Variants in SFXN5 observed in about 807,000 individuals in gnomAD.
The protein encoded by SFXN5 is sideroflexin-5.
SFXN5 carries 43 observed loss-of-function variants against 50.2 expected under a neutral mutation model. The observed-to-expected ratio is 0.86, with a 90% CI of 0.67 to 1.11. The LOEUF is 1.11. SFXN5 is among the 50% of genes least tolerant of loss of function. The pLI, the probability that SFXN5 is intolerant of heterozygous loss-of-function variation, is 0.00. For synonymous variants in SFXN5, 203 were observed against 185.8 expected, an observed-to-expected ratio of 1.09 and a Z score of -0.75; for missense variants, 463 against 454.1, an observed-to-expected ratio of 1.02 and a Z score of -0.18.
At chr2:72,978,687 C>T (rs10200714) in intron 10 of SFXN5, among the ~76,000 whole-genome samples, 3,608 of 152,158 alleles carry the variant, frequency 0.024, 152 homozygotes, top group African/African-American at 0.081. Flanking sequence ...CGTATGCCCA[C>T]CTGGCAATAT....
At chr2:73,060,004 G>T in intron 1 of SFXN5, 1 of 432,184 alleles carries the variant, frequency 2.3e-6, no homozygotes, top group Non-Finnish European at 3.1e-6. Context: ...TTTATGACAT[G>T]GAATAATGCT....
At chr2:73,000,316 A>C (rs1344214254) in intron 8 of SFXN5, 115 bp downstream of exon 8, 39 of 955,006 alleles carry the variant, frequency 4.1e-5, no homozygotes, top group Non-Finnish European at 4.6e-5. Context: ...TATCTAGAGG[A>C]GGGCCATGCT....
chr2:72,959,070 G>A (rs776748579), intron 13 of SFXN5, among the ~76,000 whole-genome samples: 5 of 151,988 alleles, frequency 3.3e-5, no homozygotes, highest in East Asian at 1.9e-4. Context: ...TCACTTCCCC[G>A]ACTTGTCTCC....
chr2:73,004,311 GCGCGCACACACACACA>G (rs1198199671), intron 6 of SFXN5, among the ~76,000 whole-genome samples: 1 of 89,622 alleles, frequency 1.1e-5, no homozygotes, highest in Non-Finnish European at 2.2e-5. Flanking sequence ...GAATGAGTGC[GCGCGCACACACACACA>G]CACACACACA....
At chr2:73,016,767 G>A (rs1284238353) in intron 6 of SFXN5, among the ~76,000 whole-genome samples, 3 of 152,158 alleles carry the variant, frequency 2.0e-5, no homozygotes, top group Non-Finnish European at 2.9e-5. Context: ...AAAAAACATT[G>A]TGCAAAAGGG....
At chr2:73,026,511 T>C (rs536887372) in intron 3 of SFXN5, among the ~76,000 whole-genome samples, 10 of 152,182 alleles carry the variant, frequency 6.6e-5, no homozygotes, top group Admixed American at 5.9e-4. Flanking sequence ...TCCATAAGAT[T>C]ACAAGAGAGG....
chr2:73,036,432 C>T (rs1241407403), intron 3 of SFXN5, among the ~76,000 whole-genome samples: 2 of 152,150 alleles, frequency 1.3e-5, no homozygotes, highest in South Asian at 4.1e-4. Context: ...TACCCAGCCA[C>T]CAGATGGACA....
rs79811695 is a variant in SFXN5, at chr2:73,050,704, G to A, written c.171+7824C>T. Among the ~76,000 whole-genome samples, 14 of 152,264 alleles carry A rather than the reference G, an allele frequency of 9.2e-5. No individual in the cohort carries two copies. In the East Asian group the frequency reaches 1.2e-3, roughly 13 times the overall value. ...TGAAATGCCTTCAGGGGTCATTCTC[G>A]CATTGTCTTAATGAATAGCACCTGG... On this transcript the variant is annotated intron_variant, in intron 2 of 13. Transcript: ENST00000272433.
intron 1 of SFXN5, among the ~76,000 whole-genome samples, chr2:73,065,973 A>C (rs1420159770): frequency 6.6e-6 from 1 of 152,236 alleles, no homozygotes; most frequent in Non-Finnish European, 1.5e-5. Flanking sequence ...AAGGAAAAAC[A>C]GTGAGTTCAG....
intron 10 of SFXN5, among the ~76,000 whole-genome samples, chr2:72,972,952 C>T (rs1327592944): frequency 6.6e-6 from 1 of 151,796 alleles, no homozygotes; most frequent in Admixed American, 6.6e-5. Context: ...TGGAGGGTGG[C>T]GGGGCCTAGT....
At chr2:72,995,963 C>T (rs1023236721) in intron 9 of SFXN5, among the ~76,000 whole-genome samples, 2 of 152,200 alleles carry the variant, frequency 1.3e-5, no homozygotes, top group African/African-American at 4.8e-5. Context: ...ACTCGCAGAT[C>T]GGAGGGGCCT....
At chr2:73,012,622 T>C (rs1675650872) in intron 6 of SFXN5, among the ~76,000 whole-genome samples, 1 of 147,806 alleles carries the variant, frequency 6.8e-6, no homozygotes, top group Admixed American at 6.7e-5. Flanking sequence ...ATTCTGAATA[T>C]TGTTCTAAAG....
chr2:73,001,678 T>A, intron 6 of SFXN5, 100 bp from the exon 7 acceptor site: 1 of 1,162,820 alleles, frequency 8.6e-7, no homozygotes, highest in Non-Finnish European at 1.3e-6. Context: ...GCTGGATCTG[T>A]ACAAACTGAT....
chr2:73,023,117 T>C, intron 4 of SFXN5, 71 bp downstream of exon 4: 1 of 1,504,124 alleles, frequency 6.6e-7, no homozygotes, highest in South Asian at 1.2e-5. Context: ...TTCCACTAGA[T>C]CCCTGGGACA....
intron 3 of SFXN5, among the ~76,000 whole-genome samples, chr2:73,024,646 C>T (rs566147414): frequency 5.9e-5 from 9 of 152,122 alleles, no homozygotes; most frequent in Non-Finnish European, 1.0e-4. Context: ...AGCGTGAGAA[C>T]CTGTCTCCAA....
intron 2 of SFXN5, among the ~76,000 whole-genome samples, chr2:73,057,815 T>C (rs1362164658): frequency 6.6e-6 from 1 of 152,166 alleles, no homozygotes. Context: ...TTGTAAGTGC[T>C]CAGAAGCTCC....
chr2:72,996,291 T>C (rs1035345487), intron 9 of SFXN5, among the ~76,000 whole-genome samples: 1 of 152,088 alleles, frequency 6.6e-6, no homozygotes, highest in Non-Finnish European at 1.5e-5. Context: ...CAGCCCCGCG[T>C]GAGGCCCCAG....
rs568051089 is a variant in SFXN5, at chr2:72,986,120, C to T, written c.625+2138G>A. On this transcript the variant is annotated intron_variant, in intron 10 of 13. Transcript: ENST00000272433. ...GTGTTTGCTTTATTAGGCCCCTTAA[C>T]GAAGTCAGATCTAAAGGGTTATTCC... Among the ~76,000 whole-genome samples, 6 of 152,330 alleles carry T rather than the reference C, an allele frequency of 3.9e-5. No individual in the cohort carries two copies. The South Asian group carries it at 6.2e-4, about 16-fold the overall frequency.
At chr2:72,991,346 T>C (rs1227414093) in intron 9 of SFXN5, among the ~76,000 whole-genome samples, 1 of 152,214 alleles carries the variant, frequency 6.6e-6, no homozygotes, top group Non-Finnish European at 1.5e-5. Context: ...TGACATATAG[T>C]GCGGCACACA....
Sources: gnomAD v4.1 joint callset for allele counts (sites outside exome capture counted in the v4.1 genomes callset) on GRCh38, gnomAD v4.1.1 for gene constraint, MANE v1.5 for transcripts, NCBI Gene and HGNC (gene_info 2026-07-23, HGNC 2026-07-21) for gene names.